SLC9A9: variants seen among roughly 807,000 people sequenced by gnomAD.
SLC9A9 encodes the protein sodium/hydrogen exchanger 9.
A neutral mutation model predicts 77.8 loss-of-function variants in SLC9A9; 62 were observed. The ratio of observed to expected loss-of-function variants is 0.80; its 90% CI spans 0.65 to 0.98. The LOEUF is 0.98. Among genes scored for constraint, SLC9A9 ranks in the 50% least tolerant of loss-of-function variants. The pLI, the probability that SLC9A9 is intolerant of heterozygous loss-of-function variation, is 0.00. For synonymous variants in SLC9A9, 320 were observed against 283.5 expected (o/e 1.13, Z -1.29); for missense variants, 775 against 774.9 (o/e 1.00, Z 0.00).
chr3:143,317,962 C>T (rs6803511), intron 14 of SLC9A9, among the ~76,000 whole-genome samples: 2,096 of 152,246 alleles, frequency 0.014, 54 homozygotes, highest in African/African-American at 0.049. Flanking sequence ...CTCCTGACCT[C>T]ATGATCTGCC....
chr3:143,786,101 C>G (rs554283578), intron 4 of SLC9A9, among the ~76,000 whole-genome samples: 1 of 151,734 alleles, frequency 6.6e-6, no homozygotes, highest in African/African-American at 2.4e-5. Context: ...GTGATCCGCC[C>G]GTCTCGGCCT....
chr3:143,417,485 C>CG (rs1441678307), intron 12 of SLC9A9, among the ~76,000 whole-genome samples: 14 of 39,620 alleles, frequency 3.5e-4, no homozygotes, highest in South Asian at 1.4e-3. Context: ...GAGAATGGAG[C>CG]GGGGGGAGAG....
intron 12 of SLC9A9, among the ~76,000 whole-genome samples, chr3:143,457,519 C>A (rs2035115155): frequency 6.6e-6 from 1 of 152,084 alleles, no homozygotes; most frequent in African/African-American, 2.4e-5. Context: ...GTTTAGTTCA[C>A]TCTCTCAATG....
chr3:143,794,245 A>G (rs1400941435), intron 4 of SLC9A9, among the ~76,000 whole-genome samples: 1 of 152,212 alleles, frequency 6.6e-6, no homozygotes, highest in East Asian at 1.9e-4. Context: ...AGCTGTAGAC[A>G]GTAAAAATCA....
intron 14 of SLC9A9, among the ~76,000 whole-genome samples, chr3:143,357,342 A>C (rs558839708): frequency 6.8e-4 from 103 of 152,290 alleles, no homozygotes; most frequent in African/African-American, 2.2e-3. Context: ...GTACAAAGCA[A>C]GACTTTGTGA....
chr3:143,438,496 C>T (rs1437936613), intron 12 of SLC9A9, among the ~76,000 whole-genome samples: 1 of 152,062 alleles, frequency 6.6e-6, no homozygotes, highest in African/African-American at 2.4e-5. Context: ...AAGCCTTCTC[C>T]CCATTCCAGC....
rs373877505 is a variant in SLC9A9 at position 143,800,270 on chromosome 3, C to G, written c.379-3367G>C. 7.2e-4 allele frequency among the ~76,000 whole-genome samples: 110 copies of G among 152,226 alleles called. 5 individuals carry two copies. The South Asian group carries it at 0.022, about 30-fold the overall frequency. On this transcript the variant is annotated intron_variant, in intron 2 of 15. Transcript: ENST00000316549. ...CTAATCACCCTTACCCTGCTCAATG[C>G]CAATATCCCATCCTACAGCACGCTT... is the stretch of plus-strand genomic sequence containing the variant.
At chr3:143,328,295 T>C (rs2031662091) in intron 14 of SLC9A9, among the ~76,000 whole-genome samples, 1 of 152,260 alleles carries the variant, frequency 6.6e-6, no homozygotes, top group African/African-American at 2.4e-5. Flanking sequence ...TCAATTTTTC[T>C]GTAAATCTAG....
chr3:143,756,145 A>G (rs1323786119), intron 4 of SLC9A9, among the ~76,000 whole-genome samples: 1 of 152,130 alleles, frequency 6.6e-6, no homozygotes, highest in Non-Finnish European at 1.5e-5. Context: ...TGTCAAACAA[A>G]TCACTTTCAT....
intron 12 of SLC9A9, among the ~76,000 whole-genome samples, chr3:143,396,373 A>T (rs551964460): frequency 6.6e-6 from 1 of 152,272 alleles, no homozygotes; most frequent in East Asian, 1.9e-4. Context: ...GCATGTTCTC[A>T]CTCATAGGTG....
chr3:143,436,296 T>G (rs888678560), intron 12 of SLC9A9, among the ~76,000 whole-genome samples: 5 of 152,158 alleles, frequency 3.3e-5, no homozygotes, highest in African/African-American at 1.2e-4. Context: ...GCATGCCCCC[T>G]CTCCTGCCCT....
Position 143,848,405 on chromosome 3 carries a change from C to T in SLC9A9, c.-83G>A, listed in dbSNP as rs967876219. On this transcript the variant is annotated 5_prime_UTR_variant, in exon 1 of 16. Coordinates refer to ENST00000316549, the MANE Select transcript of SLC9A9 (RefSeq NM_173653.4). Reference sequence around the variant, plus strand: ...GATTTGCCTAAGACAGTCTGACTGCCTGAGAATTTCAGAAGAAACACTGCC... The same window carrying T: ...GATTTGCCTAAGACAGTCTGACTGCTTGAGAATTTCAGAAGAAACACTGCC... 9 of 1,578,812 alleles carry T rather than the reference C, an allele frequency of 5.7e-6. No individual in the cohort carries two copies. Among genetic ancestry groups the T allele is most frequent in the Non-Finnish European group, 7.8e-6 (9 of 1,150,006 alleles).
At chr3:143,485,655 G>T (rs745770028) in intron 11 of SLC9A9, among the ~76,000 whole-genome samples, 1 of 151,972 alleles carries the variant, frequency 6.6e-6, no homozygotes, top group Non-Finnish European at 1.5e-5. Flanking sequence ...GCTTTCCAGA[G>T]TTACCATAAT....
chr3:143,443,325 AG>A (rs2034781635), intron 12 of SLC9A9, among the ~76,000 whole-genome samples: 1 of 152,198 alleles, frequency 6.6e-6, no homozygotes, highest in African/African-American at 2.4e-5. Context: ...TATACTGATA[AG>A]GTGAACAGTT....
chr3:143,836,291 C>G (rs1268379373), intron 1 of SLC9A9, among the ~76,000 whole-genome samples: 1 of 152,196 alleles, frequency 6.6e-6, no homozygotes, highest in East Asian at 1.9e-4. Flanking sequence ...CTTGGCTTTT[C>G]TCCTCAACCA....
intron 14 of SLC9A9, among the ~76,000 whole-genome samples, chr3:143,310,044 CA>C (rs1228957136): frequency 6.6e-6 from 1 of 152,186 alleles, no homozygotes; most frequent in African/African-American, 2.4e-5. Flanking sequence ...CAGGACCAGC[CA>C]AAACATGTGT....
chr3:143,832,277 ATT>A lies in SLC9A9; in HGVS notation c.176-58_176-57del, dbSNP rs2009458159. 5 of 1,448,470 alleles carry A rather than the reference ATT, an allele frequency of 3.5e-6. No homozygotes were observed. In the South Asian group the frequency reaches 5.8e-5, roughly 17 times the overall value. The allele number at this position is 1,448,470 out of a possible 1,614,324, so 89.7% of individuals were successfully genotyped here. A position where few individuals can be genotyped will look rare whatever the true frequency, so the allele number is the denominator to read the frequency against. The stretch of plus-strand genomic sequence containing the variant: ...GAGGAAGGCAATCTAAAATGCCACT[ATT>A]GGAAACCTATATGATTTGGAACCTT... On this transcript the variant is annotated intron_variant, in intron 1 of 15. Transcript: ENST00000316549.
At chr3:143,413,706 C>A (rs1457635668) in intron 12 of SLC9A9, among the ~76,000 whole-genome samples, 1 of 152,196 alleles carries the variant, frequency 6.6e-6, no homozygotes, top group Non-Finnish European at 1.5e-5. Context: ...TAGTTGTTCT[C>A]ACTGTACCAT....
chr3:143,682,512 A>G (rs1933133848), intron 5 of SLC9A9, among the ~76,000 whole-genome samples: 2 of 152,142 alleles, frequency 1.3e-5, no homozygotes, highest in Non-Finnish European at 1.5e-5. Context: ...TAACTAAACT[A>G]TATATTTTAT....
Sources: allele counts gnomAD v4.1 joint callset (sites outside exome capture counted in the v4.1 genomes callset), GRCh38; gene constraint gnomAD v4.1.1; transcripts MANE v1.5; gene names NCBI Gene and HGNC (gene_info 2026-07-23, HGNC 2026-07-21).